TMC6: variants seen among roughly 807,000 people sequenced by gnomAD.
The protein encoded by TMC6 is transmembrane channel-like protein 6.
TMC6 carries 71 observed loss-of-function variants against 95.4 expected under a neutral mutation model. That is an observed-to-expected ratio of 0.74 (90% confidence interval 0.61 to 0.91). TMC6 has a LOEUF of 0.91. Among genes scored for constraint, TMC6 ranks in the 40% least tolerant of loss-of-function variants. The pLI is 0.00. For synonymous variants in TMC6, 514 were observed against 483.1 expected, an observed-to-expected ratio of 1.06 and a Z score of -0.84; for missense variants, 1,074 against 1,079.1, an observed-to-expected ratio of 1.00 and a Z score of 0.07.
chr17:78,113,437 G>T (rs1372395007), intron 19 of TMC6, 111 bp downstream of exon 19: 1 of 1,377,908 alleles, frequency 7.3e-7, no homozygotes, highest in Non-Finnish European at 1.0e-6. Flanking sequence ...GTCAAAAGCG[G>T]TCAAGTGTCA....
Position 78,120,845 on chromosome 17 carries a change from G to T in TMC6, c.1536-13C>A. 1 of 1,611,472 alleles carries T rather than the reference G, an allele frequency of 6.2e-7. No individual in the cohort carries two copies. The highest frequency in any genetic ancestry group is 8.5e-7 in the Non-Finnish European group (1 of 1,178,574). ...GAGGATGAGGTTCCTGCGGAGGGCG[G>T]GGTGCAAAGGCTGAGGGGCGGGTAC... On this transcript the variant is annotated splice_polypyrimidine_tract_variant and intron_variant, in intron 12 of 19. Coordinates refer to ENST00000590602, the MANE Select transcript of TMC6 (RefSeq NM_001127198.5).
intron 18 of TMC6, among the ~76,000 whole-genome samples, chr17:78,115,658 GGGGC>G (rs2074050048): frequency 6.9e-5 from 10 of 145,692 alleles, no homozygotes; most frequent in Non-Finnish European, 1.1e-4. Context: ...AGTGGGCACA[GGGGC>G]GAAGGGAGTG....
chr17:78,113,304 C>G, intron 19 of TMC6, 93 bp from the exon 20 acceptor site: 3 of 1,405,172 alleles, frequency 2.1e-6, no homozygotes, highest in Non-Finnish European at 2.9e-6. Flanking sequence ...AGGGACAGGC[C>G]AGACGCCCCA....
At chr17:78,126,388 C>G (rs1490435698) in intron 3 of TMC6, 22 bp from the exon 4 acceptor site, 1 of 1,599,454 alleles carries the variant, frequency 6.3e-7, no homozygotes, top group East Asian at 2.2e-5. Context: ...GAAAGACTCA[C>G]CAGGGGTCCT....
chr17:78,118,068 C>T (rs2074223333), intron 15 of TMC6, 133 bp from the exon 16 acceptor site: 1 of 1,459,934 alleles, frequency 6.8e-7, no homozygotes, highest in Admixed American at 2.3e-5. Flanking sequence ...TCCCTGCAGC[C>T]TCCTCATTTA....
At position 78,122,997 on chromosome 17, in the gene TMC6, G is replaced by C; in HGVS notation, c.1083-248C>G. ...CAGGGCTGCATTCACCGCGGACTTG[G>C]CTGGCTGCCTCCCAGCGAGACATGG... On this transcript the variant is annotated intron_variant, in intron 9 of 19. Transcript: ENST00000590602. The surrounding 1 kb of genome is among the most constrained non-coding windows in gnomAD (Gnocchi z 4.9). The C allele has an allele frequency of 1.7e-6, 1 of 590,898 alleles. No homozygotes were observed. Among genetic ancestry groups the C allele is most frequent in the South Asian group, 1.9e-5 (1 of 51,412 alleles). 36.6% of individuals were successfully genotyped at this position (590,898 alleles called of 1,614,324 possible).
chr17:78,129,378 T>C (rs1334997266), upstream of TMC6, among the ~76,000 whole-genome samples: 3 of 152,194 alleles, frequency 2.0e-5, no homozygotes, highest in Non-Finnish European at 4.4e-5. The surrounding 1 kb of genome is among the most constrained non-coding windows in gnomAD (Gnocchi z 4.3). Flanking sequence ...TGCACTGATA[T>C]TCCCATTTCA....
At position 78,126,531 on chromosome 17, in the gene TMC6, C is replaced by A. The variant is rs1331828535; in HGVS notation, c.174G>T (p.Glu58Asp). 1.2e-5 allele frequency: 19 copies of A among 1,613,436 alleles called. No individual in the cohort carries two copies. The highest frequency in any genetic ancestry group is 1.4e-5 in the Non-Finnish European group (17 of 1,180,010). ...EGLELQQREREVTGSSQQTLW... is the reference protein window; with the variant it reads ...EGLELQQRERDVTGSSQQTLW... ...ATCCAGGCCTGAGCTCACCTGTCAC[C>A]TCCCGCTCTCTCTGCTGCAGCTCCA... The change falls in exon 3 of 20, where the codon GAG (glutamate) becomes GAT (aspartate). Residue 58 changes from glutamate (E) to aspartate (D), a missense_variant. Transcript: ENST00000590602.
chr17:78,118,287 T>C (rs1309084644), intron 15 of TMC6: 2 of 380,624 alleles, frequency 5.3e-6, no homozygotes, highest in Non-Finnish European at 9.9e-6. Flanking sequence ...CCAGGTGCGG[T>C]GGCTCATGCC....
At chr17:78,132,207 A>AC (rs1568013434), upstream of TMC6, 1 of 1,370,066 alleles carries the variant, frequency 7.3e-7, no homozygotes, top group South Asian at 1.3e-5. Flanking sequence ...CCCACGCAGC[A>AC]CCCCCAGGTG....
rs2073838427 is a variant in TMC6, at chr17:78,112,071, A to T, written c.*1077T>A. On this transcript the variant is annotated 3_prime_UTR_variant, in exon 20 of 20. Coordinates refer to ENST00000590602, the MANE Select transcript of TMC6 (RefSeq NM_001127198.5). ...GACGGGCTGGTCCCCGCAGGCCTGG[A>T]GCACAGGCTGACGGGCTGGTCCCCG... The T allele has an allele frequency of 4.4e-6, 1 of 225,692 alleles. No homozygotes were observed. Among genetic ancestry groups the T allele is most frequent in the African/African-American group, 2.6e-5 (1 of 38,894 alleles). The allele number at this position is 225,692 out of a possible 1,614,324, so 14.0% of individuals were successfully genotyped here.
intron 9 of TMC6, 137 bp downstream of exon 9, chr17:78,123,852 G>C: frequency 8.5e-7 from 1 of 1,175,302 alleles, no homozygotes; most frequent in Non-Finnish European, 1.2e-6. Context: ...TGGATAGTTG[G>C]ATAGGTGAGT....
chr17:78,115,043 C>A (rs1488098308), intron 18 of TMC6, among the ~76,000 whole-genome samples: 1 of 152,266 alleles, frequency 6.6e-6, no homozygotes, highest in Non-Finnish European at 1.5e-5. Flanking sequence ...CTTCCAATAT[C>A]TACAGCCAGA....
intron 19 of TMC6, 120 bp from the exon 20 acceptor site, chr17:78,113,331 A>G: frequency 7.6e-7 from 1 of 1,309,926 alleles, no homozygotes; most frequent in African/African-American, 1.5e-5. Context: ...TTCTCCTGAG[A>G]TGTATTTTAG....
intron 8 of TMC6, 45 bp downstream of exon 8, chr17:78,124,479 C>G: frequency 6.3e-7 from 1 of 1,599,848 alleles, no homozygotes; most frequent in Admixed American, 1.7e-5. Flanking sequence ...ACCAGGGTAG[C>G]AGAAGACAGG....
chr17:78,112,144 G>GCA lies in TMC6; in HGVS notation c.*1002_*1003dup, dbSNP rs966357558. 6.7e-5 allele frequency: 15 copies of GCA among 224,726 alleles called. No individual in the cohort carries two copies. Among genetic ancestry groups the GCA allele is most frequent in the African/African-American group, 3.7e-4 (15 of 40,032 alleles). 13.9% of individuals were successfully genotyped at this position (224,726 alleles called of 1,614,324 possible). ...ACGGGCTGGTTCCTGCAGGCCTGGA[G>GCA]CACAGGCTGACGGGCTGGTCCCCAC... On this transcript the variant is annotated 3_prime_UTR_variant, in exon 20 of 20. Coordinates refer to ENST00000590602, the MANE Select transcript of TMC6 (RefSeq NM_001127198.5).
rs901506363 is a variant in TMC6 at position 78,112,487 on chromosome 17, C to G, written c.*661G>C. 1 of 163,474 alleles carries G rather than the reference C, an allele frequency of 6.1e-6. No individual in the cohort carries two copies. Among genetic ancestry groups the G allele is most frequent in the Non-Finnish European group, 1.3e-5 (1 of 74,346 alleles). The allele number at this position is 163,474 out of a possible 1,614,324, so 10.1% of individuals were successfully genotyped here. On this transcript the variant is annotated 3_prime_UTR_variant, in exon 20 of 20. Transcript: ENST00000590602. ...GGCAGCCAGAAGCAGGGGGCCAGCC[C>G]CACCTCACCAAGCCCTGTTCGCCTC...
chr17:78,117,389 C>A (rs2074178952), intron 17 of TMC6, 42 bp from the exon 18 acceptor site: 3 of 1,612,298 alleles, frequency 1.9e-6, no homozygotes, highest in Non-Finnish European at 2.5e-6. Flanking sequence ...GGGCCACAGC[C>A]CGGGAGCGGC....
Position 78,128,419 on chromosome 17 carries a change from C to A in TMC6, c.-75+193G>T, listed in dbSNP as rs889254249. Among the ~76,000 whole-genome samples, 5 of 152,164 alleles carry A rather than the reference C, an allele frequency of 3.3e-5. No individual in the cohort carries two copies. Among genetic ancestry groups the A allele is most frequent in the Non-Finnish European group, 7.4e-5 (5 of 68,012 alleles). Reference sequence around the variant, plus strand: ...GATTTTGCTCCCCGCACTGTCCTCCCCGCCCCTGCCGCTCCCAGCTCTGTC... The same window carrying A: ...GATTTTGCTCCCCGCACTGTCCTCCACGCCCCTGCCGCTCCCAGCTCTGTC... On this transcript the variant is annotated intron_variant, in intron 1 of 19. Transcript: ENST00000590602. The surrounding 1 kb of genome is among the most constrained non-coding windows in gnomAD (Gnocchi z 4.0).
Sources: allele counts gnomAD v4.1 joint callset (sites outside exome capture counted in the v4.1 genomes callset), GRCh38; gene constraint gnomAD v4.1.1; non-coding constraint Gnocchi (gnomAD v3.1); transcripts MANE v1.5; gene names NCBI Gene and HGNC (gene_info 2026-07-23, HGNC 2026-07-21).